MGST1: variants seen among roughly 807,000 people sequenced by gnomAD.
The protein encoded by MGST1 is glutathione S-transferase 12.
Under a neutral mutation model 8.9 loss-of-function variants are expected in MGST1, and 5 were observed. The ratio of observed to expected loss-of-function variants is 0.56; its 90% CI spans 0.29 to 1.19. The LOEUF (loss-of-function observed/expected upper bound fraction) is 1.19. MGST1 is among the 50% of genes most tolerant of loss of function. MGST1 has a pLI of 0.08. For synonymous variants in MGST1, 54 were observed against 67.8 expected (o/e 0.80, Z 1.00); for missense variants, 182 against 187.4 (o/e 0.97, Z 0.17).
chr12:16,408,364 G>A (rs535953703), intron 1 of MGST1, among the ~76,000 whole-genome samples: 2 of 152,054 alleles, frequency 1.3e-5, no homozygotes, highest in East Asian at 1.9e-4. Context: ...CATGTACCCC[G>A]ATCCTAAAAT....
At chr12:16,524,218 A>G (rs1440672669) in intron 4 of MGST1, among the ~76,000 whole-genome samples, 1 of 152,122 alleles carries the variant, frequency 6.6e-6, no homozygotes, top group East Asian at 1.9e-4. Context: ...TATGAATTAT[A>G]CATGTAAATA....
chr12:16,447,871 C>T (rs756771626), intron 4 of MGST1, among the ~76,000 whole-genome samples: 3 of 151,970 alleles, frequency 2.0e-5, no homozygotes, highest in Non-Finnish European at 4.4e-5. Context: ...ATGGTAAGAA[C>T]TTAATTTCAA....
Position 16,587,930 on chromosome 12 carries a change from T to G in MGST1, n.483-1598T>G, listed in dbSNP as rs1383560688. Among the ~76,000 whole-genome samples the G allele has an allele frequency of 6.6e-6, 1 of 152,146 alleles. No homozygotes were observed. The highest frequency in any genetic ancestry group is 2.4e-5 in the African/African-American group (1 of 41,446). On this transcript the variant is annotated intron_variant and non_coding_transcript_variant, in intron 4 of 4. Coordinates refer to the MGST1 transcript ENST00000538857. The surrounding 1 kb of genome is among the most constrained non-coding windows in gnomAD (Gnocchi z 4.3). ...TCATGAAAGAAAACCTTGATTTAAT[T>G]TTAAATGAACAAAACAAGGAATATT...
intron 1 of MGST1, among the ~76,000 whole-genome samples, chr12:16,421,216 GC>G (rs1056333347): frequency 1.9e-4 from 29 of 151,966 alleles, no homozygotes; most frequent in Non-Finnish European, 8.8e-5. Flanking sequence ...CTAAACATAT[GC>G]CCCCATTGCT....
In MGST1 at chr12:16,410,311, A is replaced by G. The variant is rs1277813819; in HGVS notation, n.778+26707A>G. 6.6e-6 allele frequency among the ~76,000 whole-genome samples: 1 copy of G among 152,108 alleles called. No individual in the cohort carries two copies. The highest frequency in any genetic ancestry group is 1.5e-5 in the Non-Finnish European group (1 of 68,014). On this transcript the variant is annotated intron_variant and non_coding_transcript_variant, in intron 1 of 1. Coordinates refer to the MGST1 transcript ENST00000359720. The surrounding 1 kb of genome is among the most constrained non-coding windows in gnomAD (Gnocchi z 4.4). ...GGGTTGAATCTACCGTTTTACTAGC[A>G]TTCCTGCTTATATACCTCCTAAGCA...
chr12:16,366,660 CACACATACACACACACAT>C (rs1940197119), downstream of MGST1, among the ~76,000 whole-genome samples: 1 of 30,468 alleles, frequency 3.3e-5, no homozygotes, highest in Non-Finnish European at 6.2e-5. This position sits in a 1 kb window ranked among gnomAD's most constrained non-coding sequence, Gnocchi z 4.0. Context: ...CACACACACA[CACACATACACACACACAT>C]ACTACCATCA....
At chr12:16,447,077 G>A (rs1369380373) in intron 4 of MGST1, among the ~76,000 whole-genome samples, 2 of 151,880 alleles carry the variant, frequency 1.3e-5, no homozygotes, top group African/African-American at 4.8e-5. Context: ...TACTCAGCAT[G>A]GACCGTCACT....
At chr12:16,510,898 T>G (rs1941572739) in intron 4 of MGST1, among the ~76,000 whole-genome samples, 1 of 152,198 alleles carries the variant, frequency 6.6e-6, no homozygotes, top group Non-Finnish European at 1.5e-5. Flanking sequence ...TTATTTAACA[T>G]GCTATTTATA....
chr12:16,572,339 C>CTTTTT (rs59773866), intron 4 of MGST1, among the ~76,000 whole-genome samples: 71 of 89,528 alleles, frequency 7.9e-4, no homozygotes, highest in South Asian at 1.3e-3. Context: ...GGTCCAAACT[C>CTTTTT]TTTTTTTTTT....
At chr12:16,391,240 C>A (rs1202713846) in intron 1 of MGST1, among the ~76,000 whole-genome samples, 1 of 151,190 alleles carries the variant, frequency 6.6e-6, no homozygotes, top group Admixed American at 6.6e-5. Context: ...TTTGCTGCAG[C>A]TATCAACCCA....
intron 4 of MGST1, among the ~76,000 whole-genome samples, chr12:16,462,408 G>A (rs1941227444): frequency 6.6e-6 from 1 of 152,124 alleles, no homozygotes; most frequent in African/African-American, 2.4e-5. Context: ...ACAGAGGACA[G>A]CATTTGCTGT....
intron 2 of MGST1, among the ~76,000 whole-genome samples, chr12:16,356,138 C>T (rs1939705343): frequency 1.3e-5 from 2 of 152,166 alleles, no homozygotes; most frequent in South Asian, 4.1e-4. Flanking sequence ...CCTCATATCC[C>T]AGATACTATC....
rs145590322 is a variant in MGST1 at position 16,540,267 on chromosome 12, T to C, written n.483-49261T>C. ...CAGGCTCCTGGATTTGCACAGTGAT[T>C]GGCATAATTTATTTTATTTTTTAGA... is the stretch of plus-strand genomic sequence containing the variant. On this transcript the variant is annotated intron_variant and non_coding_transcript_variant, in intron 4 of 4. Coordinates refer to the MGST1 transcript ENST00000538857. Among the ~76,000 whole-genome samples the C allele has an allele frequency of 5.0e-3, 754 of 152,248 alleles. 8 individuals carry two copies. Among genetic ancestry groups the C allele is most frequent in the African/African-American group, 0.018 (727 of 41,538 alleles).
intron 4 of MGST1, among the ~76,000 whole-genome samples, chr12:16,510,971 T>C (rs1168241110): frequency 6.6e-6 from 1 of 152,188 alleles, no homozygotes; most frequent in Non-Finnish European, 1.5e-5. Flanking sequence ...AGGCAAAAAT[T>C]ACACTATTTT....
chr12:16,375,073 G>A (rs960705675), intron 3 of MGST1, among the ~76,000 whole-genome samples: 1 of 152,210 alleles, frequency 6.6e-6, no homozygotes, highest in Middle Eastern at 3.4e-3. Flanking sequence ...TAGAGATAGG[G>A]TCTTGCTATG....
Position 16,383,045 on chromosome 12 carries a change from AC to A in MGST1, n.223del, listed in dbSNP as rs1260015379. The A allele has an allele frequency of 2.0e-5, 3 of 152,434 alleles. No homozygotes were observed. In the East Asian group the frequency reaches 5.8e-4, roughly 29 times the overall value. The allele number at this position is 152,434 out of a possible 1,614,324, so 9.4% of individuals were successfully genotyped here. Reference sequence around the variant, plus strand: ...CCTGATTTTCCAGGTGCCGTCTCTCACCCCTTTCTTTGACTAGGAAAGGGAA... The same window carrying A: ...CCTGATTTTCCAGGTGCCGTCTCTCACCCTTTCTTTGACTAGGAAAGGGAA... On this transcript the variant is annotated non_coding_transcript_exon_variant, in exon 1 of 2. Transcript: ENST00000359720.
intron 4 of MGST1, among the ~76,000 whole-genome samples, chr12:16,520,859 G>A (rs1042738907): frequency 6.6e-6 from 1 of 152,072 alleles, no homozygotes; most frequent in Non-Finnish European, 1.5e-5. Flanking sequence ...TTTCATTTGG[G>A]GTACCCAATA....
chr12:16,581,256 G>A (rs1423772262), intron 4 of MGST1, among the ~76,000 whole-genome samples: 3 of 152,226 alleles, frequency 2.0e-5, no homozygotes, highest in Admixed American at 6.5e-5. Context: ...ATGGGTTCTG[G>A]AGTCAGTCAC....
chr12:16,414,357 C>CTTTTT (rs375736641), intron 1 of MGST1, among the ~76,000 whole-genome samples: 1 of 103,156 alleles, frequency 9.7e-6, no homozygotes. Flanking sequence ...TACCTGATTT[C>CTTTTT]TTTTTTTTTT....
Sources: allele counts gnomAD v4.1 joint callset (sites outside exome capture counted in the v4.1 genomes callset), GRCh38; gene constraint gnomAD v4.1.1; non-coding constraint Gnocchi (gnomAD v3.1); transcripts MANE v1.5; gene names NCBI Gene and HGNC (gene_info 2026-07-23, HGNC 2026-07-21).